Variants in IL4I1 observed in about 807,000 individuals in gnomAD.
The protein encoded by IL4I1 is interleukin 4 induced 1.
In IL4I1, 24 loss-of-function variants were observed where a neutral mutation model predicts 29.7. That is an observed-to-expected ratio of 0.81 (90% confidence interval 0.59 to 1.14). The LOEUF (loss-of-function observed/expected upper bound fraction) is 1.14, where lower values mean the gene tolerates loss of function less well. IL4I1 is among the 50% of genes most tolerant of loss of function. IL4I1 has a pLI of 0.00. For missense variants in IL4I1, 686 were observed against 785.6 expected, an observed-to-expected ratio of 0.87 and a Z score of 1.52; for synonymous variants, 371 against 352.5, an observed-to-expected ratio of 1.05 and a Z score of -0.59.
intron 2 of IL4I1, among the ~76,000 whole-genome samples, chr19:49,918,913 G>GGGGGGGGT (rs1568715857): frequency 8.3e-6 from 1 of 120,102 alleles, no homozygotes; most frequent in Non-Finnish European, 1.8e-5. Flanking sequence ...GGGGGGCGGG[G>GGGGGGGGT]TGTGGGGGGG....
At position 49,894,258 on chromosome 19, in the gene IL4I1, C is replaced by T. The variant is rs1310793363; in HGVS notation, c.567+10G>A. The T allele has an allele frequency of 1.1e-5, 17 of 1,610,550 alleles. No individual in the cohort carries two copies. The highest frequency in any genetic ancestry group is 6.7e-5 in the East Asian group (3 of 44,756). On this transcript the variant is annotated intron_variant, in intron 5 of 7. Coordinates refer to ENST00000391826, the MANE Select transcript of IL4I1 (RefSeq NM_152899.2). ...AGTCAGGGCGGGAGGAGGGTGCAGG[C>T]GGTACCCACCTGGTTGAGAGCCATC...
chr19:49,923,209 C>T (rs909884311), intron 2 of IL4I1, among the ~76,000 whole-genome samples: 9 of 152,200 alleles, frequency 5.9e-5, no homozygotes, highest in Non-Finnish European at 1.0e-4. Context: ...TCATCCTCTC[C>T]CCAACTGAGC....
intron 1 of IL4I1, chr19:49,929,027 G>A (rs563914335): frequency 1.3e-5 from 2 of 152,358 alleles, no homozygotes; most frequent in African/African-American, 2.4e-5. Context: ...CAGCTGAGAG[G>A]GAGGAGGGTC....
At position 49,908,563 on chromosome 19, in the gene IL4I1, C is replaced by T. The variant is rs1038745473; in HGVS notation, c.-227-4242G>A. ...GCAGGTAGATGGTCCCGCTCTGCTC[C>T]TTGACCAACTCCTCCAGTGGGCTCA... On this transcript the variant is annotated intron_variant, in intron 2 of 9. Transcript: ENST00000341114. The T allele has an allele frequency of 5.0e-6, 8 of 1,614,106 alleles. 1 individual carries two copies. In the Admixed American group the frequency reaches 1.0e-4, roughly 20 times the overall value.
At chr19:49,908,786 C>A (rs947091008) in intron 2 of IL4I1, 7 of 1,613,772 alleles carry the variant, frequency 4.3e-6, no homozygotes, top group Non-Finnish European at 5.9e-6. Flanking sequence ...TAGCTCCAGG[C>A]TCCATTTGTT....
At chr19:49,908,976 T>TGGCGGTGGC in intron 2 of IL4I1, 1 of 1,609,174 alleles carries the variant, frequency 6.2e-7, no homozygotes, top group South Asian at 1.1e-5. Context: ...GTGGTGGCGG[T>TGGCGGTGGC]GGCGGTGGCA....
chr19:49,921,183 G>A lies in IL4I1; in HGVS notation c.-228+6511C>T, dbSNP rs923289737. Among the ~76,000 whole-genome samples, 1 of 152,128 alleles carries A rather than the reference G, an allele frequency of 6.6e-6. No individual in the cohort carries two copies. The highest frequency in any genetic ancestry group is 1.5e-5 in the Non-Finnish European group (1 of 68,026). On this transcript the variant is annotated intron_variant, in intron 2 of 9. Transcript: ENST00000341114. The surrounding 1 kb of genome is among the most constrained non-coding windows in gnomAD (Gnocchi z 5.4). ...CTTTCCCCCAGCAATGTGACGAAGC[G>A]AAACTATCATGGCTCCCATTTATAA...
Position 49,889,906 on chromosome 19 carries a change from C to T in IL4I1, c.1468G>A (p.Val490Met). 2 of 1,609,564 alleles carry T rather than the reference C, an allele frequency of 1.2e-6. No individual in the cohort carries two copies. Among genetic ancestry groups the T allele is most frequent in the South Asian group, 1.1e-5 (1 of 90,812 alleles). ...GEHTAYPHGWVETAVKSALRA... is the reference protein window; with the variant it reads ...GEHTAYPHGWMETAVKSALRA... ...AGCGCCGACTTGACCGCCGTCTCCA[C>T]CCAGCCGTGCGGGTAGGCGGTGTGC... is the stretch of plus-strand genomic sequence containing the variant. The change falls in exon 8 of 8, where the codon GTG becomes ATG. Residue 490 changes from valine to methionine, a missense_variant. Val to Met is a conservative substitution (Grantham distance 21). Coordinates refer to ENST00000391826, the MANE Select transcript of IL4I1 (RefSeq NM_152899.2).
At chr19:49,917,368 C>T (rs2075651438) in intron 2 of IL4I1, among the ~76,000 whole-genome samples, 1 of 152,228 alleles carries the variant, frequency 6.6e-6, no homozygotes, top group Admixed American at 6.5e-5. Context: ...TGCTTCTTAA[C>T]CGTCTCCTGA....
intron 2 of IL4I1, among the ~76,000 whole-genome samples, chr19:49,919,336 C>A (rs907730388): frequency 6.6e-6 from 1 of 152,180 alleles, no homozygotes; most frequent in Non-Finnish European, 1.5e-5. Flanking sequence ...TAAACAAAAG[C>A]GTGGTTGGCA....
At chr19:49,899,582 A>C (rs1159478898), upstream of IL4I1, among the ~76,000 whole-genome samples, 2 of 146,780 alleles carry the variant, frequency 1.4e-5, no homozygotes, top group African/African-American at 5.1e-5. Context: ...ATTGAGACGG[A>C]GTCTCACTCT....
chr19:49,923,715 C>G (rs1448578162), intron 2 of IL4I1, among the ~76,000 whole-genome samples: 1 of 152,264 alleles, frequency 6.6e-6, no homozygotes, highest in East Asian at 1.9e-4. Flanking sequence ...AAACCACCGT[C>G]TGCAATGGAC....
intron 7 of IL4I1, 22 bp downstream of exon 7, chr19:49,890,948 TG>T: frequency 1.2e-5 from 2 of 169,180 alleles, no homozygotes; most frequent in South Asian, 9.5e-5. Flanking sequence ...CCCCCCCCCC[TG>T]CCCGCCAGCC....
chr19:49,928,125 G>C (rs1288932551), intron 1 of IL4I1: 1 of 152,292 alleles, frequency 6.6e-6, no homozygotes, highest in Non-Finnish European at 1.5e-5. Context: ...AGGGATGAGG[G>C]AGACAGAAGA....
chr19:49,927,420 T>C (rs1292980195), intron 2 of IL4I1, among the ~76,000 whole-genome samples: 1 of 152,160 alleles, frequency 6.6e-6, no homozygotes, highest in Non-Finnish European at 1.5e-5. Context: ...TTCGCATGTT[T>C]TGGTAAGGTT....
rs1046183581 is a variant in IL4I1, at chr19:49,921,551, A to G, written c.-228+6143T>C. Among the ~76,000 whole-genome samples the G allele has an allele frequency of 1.3e-5, 2 of 152,090 alleles. No individual in the cohort carries two copies. The highest frequency in any genetic ancestry group is 3.9e-4 in the East Asian group (2 of 5,190). ...AGAGAGGGGCGTCCGCTGCTCGCCA[A>G]CCCCCATACGTTCCTGCTCTGTGGT... On this transcript the variant is annotated intron_variant, in intron 2 of 9. Transcript: ENST00000341114. The surrounding 1 kb of genome is among the most constrained non-coding windows in gnomAD (Gnocchi z 5.4).
At chr19:49,891,137 G>T (rs765739973) in intron 6 of IL4I1, 30 bp from the exon 7 acceptor site, 3 of 1,604,372 alleles carry the variant, frequency 1.9e-6, no homozygotes. Context: ...CGAGGTTAGG[G>T]CCCAGGCAGG....
upstream of IL4I1, chr19:49,897,009 A>G: frequency 2.6e-6 from 1 of 378,618 alleles, no homozygotes; most frequent in South Asian, 1.1e-4. Flanking sequence ...CAATGCTCAG[A>G]GTCTAGTTGA....
At chr19:49,916,816 C>T (rs2075636466) in intron 2 of IL4I1, among the ~76,000 whole-genome samples, 1 of 152,042 alleles carries the variant, frequency 6.6e-6, no homozygotes, top group South Asian at 2.1e-4. Flanking sequence ...CCTGTGATCC[C>T]AGATAGAGGT....
Sources: gnomAD v4.1 joint callset for allele counts (sites outside exome capture counted in the v4.1 genomes callset) on GRCh38, gnomAD v4.1.1 for gene constraint, Gnocchi (gnomAD v3.1) non-coding constraint, MANE v1.5 for transcripts, NCBI Gene and HGNC (gene_info 2026-07-23, HGNC 2026-07-21) for gene names.